Variants in SLC4A4 observed in about 807,000 individuals in gnomAD.
SLC4A4 encodes solute carrier family 4 member 4, also known as electrogenic sodium bicarbonate cotransporter 1.
A neutral mutation model predicts 111.5 loss-of-function variants in SLC4A4; 27 were observed. The observed-to-expected ratio is 0.24, with a 90% confidence interval of 0.18 to 0.33. The LOEUF is 0.33. Among genes scored for constraint, SLC4A4 ranks in the 10% least tolerant of loss-of-function variants. The pLI, the probability that SLC4A4 is intolerant of heterozygous loss-of-function variation, is 1.00. For synonymous variants in SLC4A4, 443 were observed against 463.4 expected, an observed-to-expected ratio of 0.96 and a Z score of 0.57; for missense variants, 909 against 1,315.5, an observed-to-expected ratio of 0.69 and a Z score of 4.78.
intron 1 of SLC4A4, among the ~76,000 whole-genome samples, chr4:71,072,258 G>A (rs1741686589): frequency 6.6e-6 from 1 of 151,926 alleles, no homozygotes; most frequent in Admixed American, 6.6e-5. Flanking sequence ...ATTTATTTTG[G>A]TATGAAGGAT....
chr4:71,220,858 C>T (rs1718707092), intron 1 of SLC4A4, among the ~76,000 whole-genome samples: 1 of 152,136 alleles, frequency 6.6e-6, no homozygotes, highest in African/African-American at 2.4e-5. Flanking sequence ...TTCTGCTCCT[C>T]TCCCTCCTTC....
In SLC4A4 at chr4:71,492,766, T is replaced by C. The variant is rs1730053812; in HGVS notation, c.1975-4735T>C. Among the ~76,000 whole-genome samples the C allele has an allele frequency of 2.0e-5, 3 of 151,982 alleles. No homozygotes were observed. In the South Asian group the frequency reaches 6.2e-4, roughly 31 times the overall value. ...TGTTACAGTTTTGCTGTCCTTCTGC[T>C]CTTACTCCTGCTGCCCTTTGAATAC... On this transcript the variant is annotated intron_variant, in intron 15 of 25. Transcript: ENST00000264485.
chr4:71,486,444 T>G (rs1729412876), intron 14 of SLC4A4, among the ~76,000 whole-genome samples: 1 of 151,496 alleles, frequency 6.6e-6, no homozygotes, highest in African/African-American at 2.4e-5. Flanking sequence ...TTTTTATTAT[T>G]TAATACTGTC....
At chr4:71,537,248 G>T (rs1175083260) in intron 18 of SLC4A4, among the ~76,000 whole-genome samples, 1 of 149,486 alleles carries the variant, frequency 6.7e-6, no homozygotes, top group Non-Finnish European at 1.5e-5. Context: ...TCATATGGTG[G>T]TTATGAAAAG....
chr4:71,106,707 G>A lies in SLC4A4; in HGVS notation c.-2+13915G>A, dbSNP rs1169102824. Among the ~76,000 whole-genome samples the A allele has an allele frequency of 2.8e-5, 4 of 141,632 alleles. No individual in the cohort carries two copies. The East Asian group carries it at 8.5e-4, about 30-fold the overall frequency. The allele number at this position is 141,632 out of a possible 152,430, so 92.9% of individuals were successfully genotyped here. ...CAAACACCGCATATTCTCACTCATA[G>A]GTGGGAATTGAACAATGAGATCACA... On this transcript the variant is annotated intron_variant, in intron 2 of 26. Transcript: ENST00000649996.
At chr4:71,359,765 A>G (rs1730596300) in intron 6 of SLC4A4, among the ~76,000 whole-genome samples, 2 of 152,286 alleles carry the variant, frequency 1.3e-5, no homozygotes, top group South Asian at 2.1e-4. Flanking sequence ...ATAGACCACA[A>G]TCTTTCAGTC....
intron 2 of SLC4A4, among the ~76,000 whole-genome samples, chr4:71,245,560 T>C (rs1432520175): frequency 6.6e-6 from 1 of 152,086 alleles, no homozygotes; most frequent in Admixed American, 6.6e-5. Flanking sequence ...TTTTGTAAGA[T>C]GGGGAACAGT....
intron 2 of SLC4A4, among the ~76,000 whole-genome samples, chr4:71,170,189 T>A (rs1210131586): frequency 6.6e-6 from 1 of 152,218 alleles, no homozygotes; most frequent in Admixed American, 6.5e-5. Context: ...TAGTAGAAAT[T>A]ATCTTATTAT....
intron 7 of SLC4A4, among the ~76,000 whole-genome samples, chr4:71,423,475 T>C (rs545616511): frequency 6.6e-6 from 1 of 152,276 alleles, no homozygotes; most frequent in East Asian, 1.9e-4. Context: ...CTTCACAGAA[T>C]TGAAAAAACT....
chr4:71,390,330 A>G (rs1165207556), intron 6 of SLC4A4, among the ~76,000 whole-genome samples: 1 of 152,216 alleles, frequency 6.6e-6, no homozygotes, highest in Non-Finnish European at 1.5e-5. Context: ...AACTTGAAAT[A>G]TGGAAAACTA....
At chr4:71,122,630 T>C (rs1158993625) in intron 2 of SLC4A4, among the ~76,000 whole-genome samples, 1 of 152,088 alleles carries the variant, frequency 6.6e-6, no homozygotes, top group Non-Finnish European at 1.5e-5. Context: ...AACAGACTGA[T>C]TGTGTAACAC....
intron 3 of SLC4A4, among the ~76,000 whole-genome samples, chr4:71,298,887 C>T (rs754737448): frequency 2.6e-5 from 4 of 152,296 alleles, no homozygotes; most frequent in Middle Eastern, 3.4e-3. Context: ...TTTATGTGCT[C>T]ATTCTTTCCA....
chr4:71,203,687 G>A lies in SLC4A4; in HGVS notation c.-2+16286G>A, dbSNP rs138461034. Among the ~76,000 whole-genome samples the A allele has an allele frequency of 7.9e-5, 12 of 152,212 alleles. No homozygotes were observed. In the East Asian group the frequency reaches 1.9e-3, roughly 24 times the overall value. On this transcript the variant is annotated intron_variant, in intron 1 of 25. Coordinates refer to ENST00000264485, the MANE Select transcript of SLC4A4 (RefSeq NM_001098484.3). ...GCAAACCAGAACATATTGTAAGAAGGAAAATCTGTTGATCCAAAACACTTG... is the reference window on the plus strand; with the variant it reads ...GCAAACCAGAACATATTGTAAGAAGAAAAATCTGTTGATCCAAAACACTTG...
At chr4:71,276,574 T>C (rs895310884) in intron 3 of SLC4A4, among the ~76,000 whole-genome samples, 1 of 152,170 alleles carries the variant, frequency 6.6e-6, no homozygotes, top group Non-Finnish European at 1.5e-5. Context: ...CTTTTTTTTT[T>C]TTTAGATCTT....
chr4:71,119,249 CACT>C lies in SLC4A4; in HGVS notation c.-2+26459_-2+26461del, dbSNP rs544594502. 4.2e-3 allele frequency among the ~76,000 whole-genome samples: 640 copies of C among 152,308 alleles called. 4 individuals carry two copies. The highest frequency in any genetic ancestry group is 5.5e-3 in the Non-Finnish European group (372 of 68,034). The stretch of plus-strand genomic sequence containing the variant: ...ACATAGTCTATTAAGAAATATATCC[CACT>C]ATTTTCTGGCTTCCAGTGTTTTCTG... On this transcript the variant is annotated intron_variant, in intron 2 of 26. Transcript: ENST00000649996.
intron 5 of SLC4A4, among the ~76,000 whole-genome samples, chr4:71,354,808 G>A (rs928436846): frequency 6.6e-6 from 1 of 152,146 alleles, no homozygotes; most frequent in African/African-American, 2.4e-5. Context: ...GTCCATGTCT[G>A]TGGGCAAGTC....
rs190594294 is a variant in SLC4A4, at chr4:71,163,616, T to C, written c.-2+70824T>C. On this transcript the variant is annotated intron_variant, in intron 2 of 26. Coordinates refer to the SLC4A4 transcript ENST00000649996. ...AGACTTACTAAGAAGACCTAAAAGATATTTTCATCGATAAATGTGATTCTG... is the reference window on the plus strand; with the variant it reads ...AGACTTACTAAGAAGACCTAAAAGACATTTTCATCGATAAATGTGATTCTG... Among the ~76,000 whole-genome samples, 154 of 152,378 alleles carry C rather than the reference T, an allele frequency of 1.0e-3. 1 individual carries two copies. Among genetic ancestry groups the C allele is most frequent in the African/African-American group, 3.5e-3 (145 of 41,592 alleles).
upstream of SLC4A4, chr4:71,187,109 AC>A (rs1745486140): frequency 6.6e-6 from 1 of 151,356 alleles, no homozygotes; most frequent in Admixed American, 6.6e-5. Flanking sequence ...GCGCGCACCC[AC>A]CCAGGCGGCA....
At chr4:71,466,073 A>G (rs545186906) in intron 12 of SLC4A4, among the ~76,000 whole-genome samples, 2 of 152,262 alleles carry the variant, frequency 1.3e-5, no homozygotes, top group East Asian at 3.9e-4. Flanking sequence ...GGAACCACAA[A>G]GAGGAAATTG....
Sources: allele counts gnomAD v4.1 joint callset (sites outside exome capture counted in the v4.1 genomes callset), GRCh38; gene constraint gnomAD v4.1.1; transcripts MANE v1.5; gene names NCBI Gene and HGNC (gene_info 2026-07-23, HGNC 2026-07-21).